IL1RAPL1: variants seen among roughly 807,000 people sequenced by gnomAD.
IL1RAPL1 encodes the protein interleukin-1 receptor accessory protein-like 1.
A neutral mutation model predicts 48.4 loss-of-function variants in IL1RAPL1; 3 were observed. The observed-to-expected ratio is 0.06, with a 90% CI of 0.03 to 0.16. IL1RAPL1 has a LOEUF of 0.16. Among genes scored for constraint, IL1RAPL1 ranks in the 10% least tolerant of loss-of-function variants. The pLI is 1.00. For synonymous variants in IL1RAPL1, 185 were observed against 187.7 expected, an observed-to-expected ratio of 0.99 and a Z score of 0.12; for missense variants, 349 against 530.6, an observed-to-expected ratio of 0.66 and a Z score of 3.36.
chrX:29,053,536 A>T (rs1927144615), intron 2 of IL1RAPL1, among the ~76,000 whole-genome samples: 2 of 111,885 alleles, frequency 1.8e-5, no homozygotes, highest in African/African-American at 6.5e-5. Flanking sequence ...CCTTGCCAGC[A>T]CCTGTTATTT....
chrX:29,947,255 G>A (rs1286346905), intron 9 of IL1RAPL1, among the ~76,000 whole-genome samples: 3 of 111,881 alleles, frequency 2.7e-5, no homozygotes, highest in Non-Finnish European at 5.7e-5. Flanking sequence ...TCTGAATGGA[G>A]TGTCCCTTCA....
chrX:29,823,089 T>A, intron 6 of IL1RAPL1, among the ~76,000 whole-genome samples: 1 of 112,066 alleles, frequency 8.9e-6, no homozygotes, highest in East Asian at 2.8e-4. Context: ...TGTTCTTGAA[T>A]GTGGACTAGG....
intron 6 of IL1RAPL1, among the ~76,000 whole-genome samples, chrX:29,693,183 CT>C (rs1926820461): frequency 8.9e-6 from 1 of 111,895 alleles, no homozygotes; most frequent in Non-Finnish European, 1.9e-5. Flanking sequence ...CTCTTATTTC[CT>C]CCCAATTCTT....
At chrX:29,320,276 T>G (rs1170441561) in intron 3 of IL1RAPL1, among the ~76,000 whole-genome samples, 1 of 111,836 alleles carries the variant, frequency 8.9e-6, no homozygotes, top group African/African-American at 3.3e-5. Context: ...TACACGACAT[T>G]ATTCAGATTT....
At chrX:29,267,388 T>C (rs2147588205) in intron 2 of IL1RAPL1, among the ~76,000 whole-genome samples, 1 of 112,343 alleles carries the variant, frequency 8.9e-6, no homozygotes, top group South Asian at 3.7e-4. Context: ...CATTTTGTTG[T>C]ATAGTTTATA....
At chrX:29,544,826 C>A (rs1442999266) in intron 5 of IL1RAPL1, among the ~76,000 whole-genome samples, 2 of 108,804 alleles carry the variant, frequency 1.8e-5, no homozygotes, top group African/African-American at 6.7e-5. Flanking sequence ...GAAGCCCTAC[C>A]CCCAATACCT....
At chrX:29,592,806 A>T (rs901206477) in intron 5 of IL1RAPL1, among the ~76,000 whole-genome samples, 1 of 111,739 alleles carries the variant, frequency 8.9e-6, no homozygotes, top group Non-Finnish European at 1.9e-5. Context: ...CTGGCCTCAC[A>T]GGCCTTGATT....
intron 6 of IL1RAPL1, among the ~76,000 whole-genome samples, chrX:29,686,876 A>T (rs1926640704): frequency 1.8e-5 from 2 of 110,560 alleles, no homozygotes; most frequent in African/African-American, 6.6e-5. Context: ...AATTTATTAC[A>T]TCTGGAAGGG....
At chrX:29,642,297 C>T (rs369921477) in intron 5 of IL1RAPL1, among the ~76,000 whole-genome samples, 75 of 111,869 alleles carry the variant, frequency 6.7e-4, no homozygotes, top group Admixed American at 1.4e-3. Context: ...TTCTCTTTTA[C>T]GATTTAGTGA....
chrX:29,789,780 C>CT lies in IL1RAPL1; in HGVS notation c.778+121294dup, dbSNP rs143889631. Among the ~76,000 whole-genome samples, 858 of 81,846 alleles carry CT rather than the reference C, an allele frequency of 0.01. 15 individuals carry two copies. The East Asian group carries it at 0.11, about 10-fold the overall frequency. 71.1% of individuals were successfully genotyped at this position (81,846 alleles called of 115,157 possible). On this transcript the variant is annotated intron_variant, in intron 6 of 10. Transcript: ENST00000378993. ...ACTTTCCATCTTTCTTCATGAGTTTCTTTTTTTTTTTTTTTTTTATCTCAA... is the reference window on the plus strand; with the variant it reads ...ACTTTCCATCTTTCTTCATGAGTTTCTTTTTTTTTTTTTTTTTTTATCTCAA...
intron 5 of IL1RAPL1, among the ~76,000 whole-genome samples, chrX:29,471,912 G>C (rs1314285187): frequency 9.0e-6 from 1 of 111,235 alleles, no homozygotes; most frequent in Non-Finnish European, 1.9e-5. Context: ...ATATTCCATT[G>C]GGTATACCAA....
intron 2 of IL1RAPL1, among the ~76,000 whole-genome samples, chrX:29,215,302 C>T (rs1456679408): frequency 2.8e-5 from 3 of 106,623 alleles, no homozygotes; most frequent in African/African-American, 3.5e-5. Context: ...GAGATGGCAC[C>T]GTTGCATTCC....
At chrX:29,845,908 T>A (rs890513115) in intron 6 of IL1RAPL1, among the ~76,000 whole-genome samples, 2 of 110,015 alleles carry the variant, frequency 1.8e-5, no homozygotes, top group African/African-American at 6.6e-5. Context: ...GCCACACTTT[T>A]AAACAACCAG....
chrX:29,531,216 A>G (rs1395619411), intron 5 of IL1RAPL1, among the ~76,000 whole-genome samples: 1 of 110,643 alleles, frequency 9.0e-6, no homozygotes, highest in Non-Finnish European at 1.9e-5. Flanking sequence ...AGGGACTCCA[A>G]TTTGCTACCT....
chrX:28,604,234 A>G (rs1430625274), intron 1 of IL1RAPL1, among the ~76,000 whole-genome samples: 2 of 111,600 alleles, frequency 1.8e-5, no homozygotes, highest in Non-Finnish European at 3.8e-5. Flanking sequence ...CATAGTATCA[A>G]TATACCTTCT....
At chrX:29,741,500 C>T (rs747744116) in intron 6 of IL1RAPL1, among the ~76,000 whole-genome samples, 65 of 111,230 alleles carry the variant, frequency 5.8e-4, no homozygotes, top group African/African-American at 1.9e-3. Context: ...TCAGCTATTA[C>T]GAGAGTAAAG....
At chrX:28,895,646 G>T (rs1300584553) in intron 2 of IL1RAPL1, among the ~76,000 whole-genome samples, 3 of 111,157 alleles carry the variant, frequency 2.7e-5, no homozygotes, top group Non-Finnish European at 5.7e-5. Flanking sequence ...CAGAGTTGGG[G>T]AGTTTTAAGA....
At chrX:29,202,409 T>G (rs1323855003) in intron 2 of IL1RAPL1, among the ~76,000 whole-genome samples, 1 of 112,352 alleles carries the variant, frequency 8.9e-6, no homozygotes, top group Admixed American at 9.5e-5. Flanking sequence ...CCACTGCTAC[T>G]GGGAATGTAA....
At chrX:29,332,647 TATTTTA>T (rs1457578208) in intron 3 of IL1RAPL1, among the ~76,000 whole-genome samples, 34 of 98,523 alleles carry the variant, frequency 3.5e-4, no homozygotes, top group African/African-American at 1.5e-3. Context: ...TTTATTTATT[TATTTTA>T]TTTTTTTTTT....
Sources: gnomAD v4.1 joint callset for allele counts (sites outside exome capture counted in the v4.1 genomes callset) on GRCh38, gnomAD v4.1.1 for gene constraint, MANE v1.5 for transcripts, NCBI Gene and HGNC (gene_info 2026-07-23, HGNC 2026-07-21) for gene names.